METTL16: variants seen among roughly 807,000 people sequenced by gnomAD.
METTL16 encodes the protein methyltransferase 16, RNA N6-adenosine.
In METTL16, 19 loss-of-function variants were observed where a neutral mutation model predicts 57.9. The observed-to-expected ratio is 0.33, with a 90% CI of 0.23 to 0.48. The LOEUF (loss-of-function observed/expected upper bound fraction) is 0.48. Ranked by LOEUF, METTL16 falls within the 20% of genes least tolerant of loss-of-function variation. The pLI is 0.99. For synonymous variants in METTL16, 246 were observed against 255.6 expected (o/e 0.96, Z 0.36); for missense variants, 434 against 691.5 (o/e 0.63, Z 4.18).
At chr17:2,502,102 G>A (rs915364768) in intron 2 of METTL16, 102 bp downstream of exon 2, 28 of 1,263,562 alleles carry the variant, frequency 2.2e-5, no homozygotes, top group Middle Eastern at 1.9e-4. Flanking sequence ...CGCATGGGAC[G>A]TTTAATCAAA....
intron 2 of METTL16, among the ~76,000 whole-genome samples, chr17:2,481,002 A>G (rs895531465): frequency 1.2e-4 from 18 of 152,278 alleles, no homozygotes; most frequent in South Asian, 4.1e-4. Flanking sequence ...CAGGAGTTCA[A>G]GACCAGCTTG....
chr17:2,471,749 C>A (rs897642359), intron 4 of METTL16, among the ~76,000 whole-genome samples: 8 of 152,028 alleles, frequency 5.3e-5, no homozygotes, highest in Admixed American at 1.3e-4. Context: ...GATTGCGCCA[C>A]TGCACTCCAG....
intron 2 of METTL16, among the ~76,000 whole-genome samples, chr17:2,483,262 C>T (rs1461462679): frequency 6.6e-6 from 1 of 152,118 alleles, no homozygotes; most frequent in African/African-American, 2.4e-5. Flanking sequence ...TATTTCACAA[C>T]AGACAACCTT....
intron 6 of METTL16, among the ~76,000 whole-genome samples, chr17:2,448,758 A>AAT (rs2067038706): frequency 8.4e-6 from 1 of 119,380 alleles, no homozygotes; most frequent in African/African-American, 4.0e-5. Context: ...AAAATAAAAT[A>AAT]AAAAAAATAA....
intron 4 of METTL16, among the ~76,000 whole-genome samples, chr17:2,468,900 GT>G (rs80264339): frequency 3.5e-5 from 5 of 143,826 alleles, no homozygotes; most frequent in African/African-American, 7.8e-5. Context: ...ATAAAAAAAT[GT>G]TTTTTTTTTG....
chr17:2,508,570 GA>G (rs1373438087), intron 1 of METTL16, among the ~76,000 whole-genome samples: 1 of 151,978 alleles, frequency 6.6e-6, no homozygotes, highest in African/African-American at 2.4e-5. Flanking sequence ...ATTATTTCTT[GA>G]CCTTATCCCA....
chr17:2,482,616 A>T (rs936795975), intron 2 of METTL16, among the ~76,000 whole-genome samples: 1 of 152,240 alleles, frequency 6.6e-6, no homozygotes, highest in Non-Finnish European at 1.5e-5. Context: ...ACATTTAGGA[A>T]GATAAACTGG....
intron 8 of METTL16, among the ~76,000 whole-genome samples, chr17:2,437,537 A>G (rs1368552756): frequency 1.3e-5 from 2 of 150,070 alleles, no homozygotes; most frequent in Non-Finnish European, 3.0e-5. Context: ...GTTTTTTAAA[A>G]AAATTTTTAT....
chr17:2,422,860 G>A (rs996009708), intron 8 of METTL16, among the ~76,000 whole-genome samples: 8 of 151,874 alleles, frequency 5.3e-5, no homozygotes, highest in Admixed American at 4.6e-4. Context: ...GGCCGCGCCT[G>A]TAATTCCAGC....
chr17:2,473,295 A>T (rs2067247011), intron 4 of METTL16, among the ~76,000 whole-genome samples: 1 of 152,246 alleles, frequency 6.6e-6, no homozygotes, highest in African/African-American at 2.4e-5. Context: ...AAATAAATTT[A>T]GGCAAATAGG....
rs935828193 is a variant in METTL16, at chr17:2,493,101, T to C, written c.128+9103A>G. Among the ~76,000 whole-genome samples, 15 of 151,088 alleles carry C rather than the reference T, an allele frequency of 9.9e-5. 1 individual carries two copies. Among genetic ancestry groups the C allele is most frequent in the Non-Finnish European group, 2.1e-4 (14 of 67,812 alleles). On this transcript the variant is annotated intron_variant, in intron 2 of 9. Transcript: ENST00000263092. ...TTGTGTGACATTTCTTTTCCATCATTAGTTGAGTTTATATTTTGGTGATTC... is the reference window on the plus strand; with the variant it reads ...TTGTGTGACATTTCTTTTCCATCATCAGTTGAGTTTATATTTTGGTGATTC...
At chr17:2,462,849 A>T (rs147860263) in intron 6 of METTL16, among the ~76,000 whole-genome samples, 2 of 152,258 alleles carry the variant, frequency 1.3e-5, no homozygotes, top group African/African-American at 4.8e-5. Context: ...GGTAAATTTT[A>T]TGTTACGTGT....
chr17:2,506,327 T>TGG (rs897236364), intron 1 of METTL16, among the ~76,000 whole-genome samples: 57 of 142,118 alleles, frequency 4.0e-4, no homozygotes, highest in Middle Eastern at 3.5e-3. Context: ...GGTCTCCCTC[T>TGG]GATGCCGAGC....
chr17:2,454,939 G>C (rs1187797572), intron 6 of METTL16, among the ~76,000 whole-genome samples: 2 of 151,976 alleles, frequency 1.3e-5, no homozygotes, highest in Non-Finnish European at 2.9e-5. Context: ...TATTATTTTT[G>C]AGATGGAGTC....
rs2066731253 is a variant in METTL16, at chr17:2,417,740, C to T, written c.*2230G>A. ...GAGACTAGAAAGGAACACGCCAATG[C>T]CAAGAGTGGTTATGTTACAGAAGGT... is the stretch of plus-strand genomic sequence containing the variant. On this transcript the variant is annotated 3_prime_UTR_variant, in exon 10 of 10. Coordinates refer to ENST00000263092, the MANE Select transcript of METTL16 (RefSeq NM_024086.4). The T allele has an allele frequency of 6.6e-6, 1 of 152,136 alleles. No homozygotes were observed. The highest frequency in any genetic ancestry group is 2.4e-5 in the African/African-American group (1 of 41,384). The allele number at this position is 152,136 out of a possible 1,614,324, so 9.4% of individuals were successfully genotyped here.
intron 6 of METTL16, among the ~76,000 whole-genome samples, chr17:2,463,632 T>A (rs1254657292): frequency 1.3e-4 from 20 of 151,794 alleles, no homozygotes; most frequent in Admixed American, 1.3e-3. Flanking sequence ...CAGCTCATTT[T>A]TATATTTTTA....
At chr17:2,438,783 C>CA (rs1232346969) in intron 7 of METTL16, among the ~76,000 whole-genome samples, 1 of 152,144 alleles carries the variant, frequency 6.6e-6, no homozygotes, top group Admixed American at 6.5e-5. Flanking sequence ...TGTGAGCCAC[C>CA]ACACCCAGCC....
intron 4 of METTL16, among the ~76,000 whole-genome samples, chr17:2,473,273 G>A (rs568715647): frequency 6.6e-6 from 1 of 152,162 alleles, no homozygotes; most frequent in South Asian, 2.1e-4. Flanking sequence ...TAAAATAAAT[G>A]AATGGATAAA....
At chr17:2,502,117 T>G in intron 2 of METTL16, 87 bp downstream of exon 2, 1 of 1,409,588 alleles carries the variant, frequency 7.1e-7, no homozygotes, top group Non-Finnish European at 9.7e-7. Flanking sequence ...ATCAAATGTC[T>G]AAGATTAACA....
Sources: gnomAD v4.1 joint callset for allele counts (sites outside exome capture counted in the v4.1 genomes callset) on GRCh38, gnomAD v4.1.1 for gene constraint, MANE v1.5 for transcripts, NCBI Gene and HGNC (gene_info 2026-07-23, HGNC 2026-07-21) for gene names.